Variants in AMDHD2 observed in about 807,000 individuals in gnomAD.
AMDHD2 encodes the protein amidohydrolase domain containing 2, also known as N-acetylglucosamine-6-phosphate deacetylase.
In AMDHD2, 24 loss-of-function variants were observed where a neutral mutation model predicts 41.8. The ratio of observed to expected loss-of-function variants is 0.57; its 90% CI spans 0.42 to 0.81. The LOEUF (loss-of-function observed/expected upper bound fraction) is 0.81, where lower values mean the gene tolerates loss of function less well. AMDHD2 is among the 30% of genes least tolerant of loss of function. The probability of loss-of-function intolerance (pLI) is 0.00; values close to 1 mark genes in which losing one functional copy is unlikely to be tolerated. For missense variants in AMDHD2, 540 were observed against 588.5 expected, an observed-to-expected ratio of 0.92 and a Z score of 0.85; for synonymous variants, 332 against 255.5, an observed-to-expected ratio of 1.30 and a Z score of -2.85.
intron 10 of AMDHD2, 73 bp from the exon 11 acceptor site, chr16:2,529,402 T>G (rs887952372): frequency 6.3e-6 from 10 of 1,592,092 alleles, no homozygotes; most frequent in Non-Finnish European, 6.8e-6. Flanking sequence ...AGCGTCGGGT[T>G]GTTGGGGAGC....
rs776717110 is a variant in AMDHD2 at position 2,528,576 on chromosome 16, A to G, written c.970+17A>G. On this transcript the variant is annotated intron_variant, in intron 8 of 10. Transcript: ENST00000293971. ...ACGTGGCAGGTGAGCGCCCTGACCCACTGGGTCCCAGGTCCCAGCCCGCAT... is the reference window on the plus strand; with the variant it reads ...ACGTGGCAGGTGAGCGCCCTGACCCGCTGGGTCCCAGGTCCCAGCCCGCAT... The G allele has an allele frequency of 6.2e-7, 1 of 1,612,408 alleles. No individual in the cohort carries two copies. Among genetic ancestry groups the G allele is most frequent in the Non-Finnish European group, 8.5e-7 (1 of 1,179,918 alleles).
chr16:2,528,808 C>G, intron 9 of AMDHD2, 90 bp downstream of exon 9: 3 of 1,580,010 alleles, frequency 1.9e-6, no homozygotes, highest in Non-Finnish European at 2.6e-6. Flanking sequence ...GTAGCCCAAG[C>G]TCTGCCCACA....
At chr16:2,528,019 G>T in intron 5 of AMDHD2, 34 bp downstream of exon 5, 1 of 1,610,754 alleles carries the variant, frequency 6.2e-7, no homozygotes, top group Non-Finnish European at 8.5e-7. Flanking sequence ...CCTGCTTGGG[G>T]GACCTGGGCC....
At position 2,529,566 on chromosome 16, in the gene AMDHD2, A is replaced by G. The variant is rs1567133667; in HGVS notation, c.*3A>G. On this transcript the variant is annotated 3_prime_UTR_variant, in exon 11 of 11. Coordinates refer to ENST00000293971, the MANE Select transcript of AMDHD2 (RefSeq NM_001330449.2). ...AGGCGGACGCAGCTAGGCAGTGACA[A>G]GGACCTCGGCTGAGAGGACACCTGG... 10 of 1,606,846 alleles carry G rather than the reference A, an allele frequency of 6.2e-6. No homozygotes were observed. Among genetic ancestry groups the G allele is most frequent in the Non-Finnish European group, 8.5e-6 (10 of 1,179,882 alleles).
chr16:2,528,025 G>C (rs1218198167), intron 5 of AMDHD2, 35 bp from the exon 6 acceptor site: 1 of 1,611,168 alleles, frequency 6.2e-7, no homozygotes, highest in African/African-American at 1.3e-5. Context: ...TGGGGGACCT[G>C]GGCCAGGTGC....
rs1444916544 is a variant in AMDHD2, at chr16:2,522,873, T to C, written c.360+1750T>C. 1.1e-3 allele frequency among the ~76,000 whole-genome samples: 167 copies of C among 148,244 alleles called. 3 individuals carry two copies. The highest frequency in any genetic ancestry group is 1.6e-4 in the Non-Finnish European group (11 of 67,212). On this transcript the variant is annotated intron_variant, in intron 3 of 10. Coordinates refer to ENST00000293971, the MANE Select transcript of AMDHD2 (RefSeq NM_001330449.2). ...TTTTTTTTTTTTTTGAGACATAGTC[T>C]CCCTTTGTTGACCAGGCTGGAGTGC... is the stretch of plus-strand genomic sequence containing the variant.
chr16:2,529,150 T>G, intron 10 of AMDHD2, 55 bp downstream of exon 10: 2 of 1,462,094 alleles, frequency 1.4e-6, no homozygotes, highest in Non-Finnish European at 1.8e-6. Flanking sequence ...TAGACTCTGT[T>G]GTTCCTGGGG....
Position 2,529,984 on chromosome 16 carries a change from G to A in AMDHD2, c.*421G>A. The stretch of plus-strand genomic sequence containing the variant: ...CATGGGGTGAAGCCACCATGGGCTG[G>A]GGGTGAAGAGCCGGCAGGAAGGGGA... On this transcript the variant is annotated 3_prime_UTR_variant, in exon 11 of 11. Transcript: ENST00000293971. 2 of 742,478 alleles carry A rather than the reference G, an allele frequency of 2.7e-6. No individual in the cohort carries two copies. Among genetic ancestry groups the A allele is most frequent in the Non-Finnish European group, 4.2e-6 (2 of 477,122 alleles). 46.0% of individuals were successfully genotyped at this position (742,478 alleles called of 1,614,324 possible).
Position 2,530,815 on chromosome 16 carries a change from C to T in AMDHD2, c.*1252C>T. On this transcript the variant is annotated 3_prime_UTR_variant, in exon 11 of 11. Coordinates refer to ENST00000293971, the MANE Select transcript of AMDHD2 (RefSeq NM_001330449.2). ...GATCTCAGCCCACAAGCCCCAGGGG[C>T]AGCCCAGGAAAGCAGGCGACGGATG... 6.2e-7 allele frequency: 1 copy of T among 1,613,784 alleles called. No homozygotes were observed. The highest frequency in any genetic ancestry group is 2.2e-5 in the East Asian group (1 of 44,880).
intron 3 of AMDHD2, 38 bp downstream of exon 3, chr16:2,521,161 C>G: frequency 6.6e-7 from 1 of 1,515,184 alleles, no homozygotes; most frequent in Non-Finnish European, 8.9e-7. Context: ...GAGGGGGCTC[C>G]CGGAGCAACC....
chr16:2,530,691 G>A lies in AMDHD2; in HGVS notation c.*1128G>A. On this transcript the variant is annotated 3_prime_UTR_variant, in exon 11 of 11. Coordinates refer to ENST00000293971, the MANE Select transcript of AMDHD2 (RefSeq NM_001330449.2). ...TCTCCAGGTCCAAAGAGATAGGATG[G>A]TCTGGGCCCCACCTGTTGGAAGGGA... is the stretch of plus-strand genomic sequence containing the variant. The A allele has an allele frequency of 1.2e-6, 2 of 1,614,130 alleles. No homozygotes were observed. Among genetic ancestry groups the A allele is most frequent in the South Asian group, 2.2e-5 (2 of 91,092 alleles).
At chr16:2,525,436 G>A (rs1210702176) in intron 3 of AMDHD2, among the ~76,000 whole-genome samples, 4 of 140,896 alleles carry the variant, frequency 2.8e-5, no homozygotes, top group South Asian at 2.2e-4. Flanking sequence ...GCACAATCTC[G>A]GCTTACTGCA....
chr16:2,520,935 G>T (rs369489206), intron 2 of AMDHD2, 30 bp downstream of exon 2: 2 of 1,597,086 alleles, frequency 1.3e-6, no homozygotes, highest in Non-Finnish European at 8.6e-7. Context: ...GGGGAACCCA[G>T]GGGAGGAGCT....
Position 2,530,046 on chromosome 16 carries a change from T to G in AMDHD2, c.*483T>G. 13 of 806,598 alleles carry G rather than the reference T, an allele frequency of 1.6e-5. No individual in the cohort carries two copies. Among genetic ancestry groups the G allele is most frequent in the Non-Finnish European group, 2.4e-5 (13 of 531,662 alleles). The allele number at this position is 806,598 out of a possible 1,614,324, so 50.0% of individuals were successfully genotyped here. ...GAGTGTGGACAGTCAGGGGTTTGCTTTCTGCTCCTGAGTTGGGGTGTGCAG... is the reference window on the plus strand; with the variant it reads ...GAGTGTGGACAGTCAGGGGTTTGCTGTCTGCTCCTGAGTTGGGGTGTGCAG... On this transcript the variant is annotated 3_prime_UTR_variant, in exon 11 of 11. Coordinates refer to ENST00000293971, the MANE Select transcript of AMDHD2 (RefSeq NM_001330449.2).
intron 3 of AMDHD2, among the ~76,000 whole-genome samples, chr16:2,521,373 C>A (rs1040858415): frequency 2.6e-5 from 4 of 152,074 alleles, no homozygotes; most frequent in African/African-American, 9.7e-5. Flanking sequence ...ACCGTCTGAG[C>A]CATAGGCCGT....
chr16:2,527,792 C>T lies in AMDHD2; in HGVS notation c.435C>T (p.Pro145=). 1.9e-6 allele frequency: 3 copies of T among 1,581,170 alleles called. No homozygotes were observed. The stretch of plus-strand genomic sequence containing the variant: ...TCCCAGGGCTGCACCTGGAGGGCCC[C>T]TTCATCAGCCGGGAGAAGCGGGGCG... ...AGVLGLHLEG[P]FISREKRGAH... Residue 145 remains proline (P), a synonymous_variant, in exon 5 of 11, where the codon CCC becomes CCT. Coordinates refer to ENST00000293971, the MANE Select transcript of AMDHD2 (RefSeq NM_001330449.2). The surrounding 1 kb of genome is among the most constrained non-coding windows in gnomAD (Gnocchi z 6.1).
Position 2,530,513 on chromosome 16 carries a change from A to G in AMDHD2, c.*950A>G. ...TCAGGGATTGGTGCAGCCCCACGTC[A>G]GGGGTGATTGTCTTGACTTTCTCTC... On this transcript the variant is annotated 3_prime_UTR_variant, in exon 11 of 11. Transcript: ENST00000293971. 2 of 1,614,098 alleles carry G rather than the reference A, an allele frequency of 1.2e-6. No homozygotes were observed. The highest frequency in any genetic ancestry group is 1.7e-6 in the Non-Finnish European group (2 of 1,179,942).
intron 9 of AMDHD2, 105 bp downstream of exon 9, chr16:2,528,823 C>T (rs1302296385): frequency 4.5e-5 from 71 of 1,565,936 alleles, no homozygotes; most frequent in Non-Finnish European, 6.1e-5. Context: ...CCCACAGGAG[C>T]TCCTGGGCAT....
chr16:2,524,051 C>T (rs930770328), intron 3 of AMDHD2, among the ~76,000 whole-genome samples: 11 of 152,204 alleles, frequency 7.2e-5, no homozygotes, highest in Admixed American at 2.0e-4. Context: ...TAACCCTTGG[C>T]GCACACACAG....
Sources: allele counts gnomAD v4.1 joint callset (sites outside exome capture counted in the v4.1 genomes callset), GRCh38; gene constraint gnomAD v4.1.1; non-coding constraint Gnocchi (gnomAD v3.1); transcripts MANE v1.5; gene names NCBI Gene and HGNC (gene_info 2026-07-23, HGNC 2026-07-21).